The following SLC25A53 variants were observed in gnomAD, a reference collection of about 807,000 sequenced individuals.
SLC25A53 encodes solute carrier family 25 member 53, also known as mitochondrial carrier triple repeat protein 6.
A neutral mutation model predicts 15.0 loss-of-function variants in SLC25A53; 5 were observed. The observed-to-expected ratio is 0.33, with a 90% CI of 0.17 to 0.70. The LOEUF (loss-of-function observed/expected upper bound fraction) is 0.70, where lower values mean the gene tolerates loss of function less well. SLC25A53 is among the 30% of genes least tolerant of loss of function. The pLI, the probability that SLC25A53 is intolerant of heterozygous loss-of-function variation, is 0.67. For missense variants in SLC25A53, 216 were observed against 241.6 expected, an observed-to-expected ratio of 0.89 and a Z score of 0.70; for synonymous variants, 95 against 100.0, an observed-to-expected ratio of 0.95 and a Z score of 0.30.
rs924349819 is a variant in SLC25A53 at position 104,113,757 on chromosome X, C to T, written c.-31-8469G>A. ...TAGAATTAGAAGCAACAGTTGTCGCCCCTCCTGGAGTACAGGCAGGAGGGG... is the reference window on the plus strand; with the variant it reads ...TAGAATTAGAAGCAACAGTTGTCGCTCCTCCTGGAGTACAGGCAGGAGGGG... On this transcript the variant is annotated intron_variant, in intron 1 of 1. Coordinates refer to ENST00000594199, the MANE Select transcript of SLC25A53 (RefSeq NM_001012755.5). 3.2e-5 allele frequency: 6 copies of T among 187,358 alleles called. No individual in the cohort carries two copies. The South Asian group carries it at 3.8e-4, about 12-fold the overall frequency. The allele number at this position is 187,358 out of a possible 1,213,427, so 15.4% of individuals were successfully genotyped here.
intron 1 of SLC25A53, among the ~76,000 whole-genome samples, chrX:104,152,301 C>T (rs1312530483): frequency 2.0e-5 from 2 of 98,283 alleles, no homozygotes; most frequent in African/African-American, 7.6e-5. Flanking sequence ...ATGTTCAATT[C>T]CCACCTGTGA....
rs782669441 is a variant in SLC25A53, at chrX:104,104,296, T to C, written c.*38A>G. 396 of 1,174,262 alleles carry C rather than the reference T, an allele frequency of 3.4e-4. 1 individual carries two copies. The highest frequency in any genetic ancestry group is 4.3e-4 in the Non-Finnish European group (373 of 869,384). On this transcript the variant is annotated 3_prime_UTR_variant, in exon 2 of 2. Coordinates refer to ENST00000594199, the MANE Select transcript of SLC25A53 (RefSeq NM_001012755.5). ...GCTATATAGAACCAACCAGGGAAGA[T>C]TTAGAATAACAAAGCTGCCATGCCA...
intron 1 of SLC25A53, among the ~76,000 whole-genome samples, chrX:104,154,573 G>T (rs2075494803): frequency 8.9e-6 from 1 of 112,390 alleles, no homozygotes; most frequent in South Asian, 3.6e-4. Context: ...CAAGTTATGG[G>T]ATCAACCTAA....
intron 1 of SLC25A53, among the ~76,000 whole-genome samples, chrX:104,150,279 C>A (rs2075481132): frequency 9.1e-6 from 1 of 109,903 alleles, no homozygotes; most frequent in African/African-American, 3.3e-5. Context: ...TGCTTTCATC[C>A]ACATCCAGCC....
chrX:104,136,569 T>G (rs2075437117), intron 1 of SLC25A53, among the ~76,000 whole-genome samples: 2 of 112,042 alleles, frequency 1.8e-5, no homozygotes, highest in African/African-American at 6.5e-5. Flanking sequence ...GGCTGCTCCT[T>G]TCCTCCGCTA....
chrX:104,114,578 T>C (rs781967987), intron 1 of SLC25A53: 4 of 1,209,869 alleles, frequency 3.3e-6, no homozygotes, highest in Non-Finnish European at 4.5e-6. Flanking sequence ...GAGGTGCAGC[T>C]CCAGAATGCT....
intron 1 of SLC25A53, among the ~76,000 whole-genome samples, chrX:104,120,044 C>T (rs782395923): frequency 2.7e-5 from 3 of 111,779 alleles, no homozygotes; most frequent in Non-Finnish European, 3.8e-5. Flanking sequence ...TGGTTGCATG[C>T]GGCATCGGTT....
chrX:104,154,416 T>C (rs1818062039), intron 1 of SLC25A53, among the ~76,000 whole-genome samples: 1 of 112,242 alleles, frequency 8.9e-6, no homozygotes, highest in Admixed American at 9.5e-5. Flanking sequence ...TATGGAAAAC[T>C]GTATGGAGGT....
intron 1 of SLC25A53, chrX:104,114,267 G>A (rs989829906): frequency 1.7e-6 from 2 of 1,210,168 alleles, no homozygotes; most frequent in African/African-American, 3.5e-5. Flanking sequence ...CAGGAAGAGT[G>A]GTGCCAGCCC....
At chrX:104,130,922 CT>C (rs1556365363) in intron 1 of SLC25A53, 1 of 111,752 alleles carries the variant, frequency 8.9e-6, no homozygotes, top group Non-Finnish European at 1.9e-5. Flanking sequence ...CACCCCAAAA[CT>C]TGGGGCTTAA....
At position 104,124,837 on chromosome X, in the gene SLC25A53, T is replaced by C. The variant is rs188106761; in HGVS notation, c.-31-19549A>G. ...CTCAACTAAAAAGAAATAACTTTTTTCCTTTTTTTTTTTTTTTTTTTTTTT... is the reference window on the plus strand; with the variant it reads ...CTCAACTAAAAAGAAATAACTTTTTCCCTTTTTTTTTTTTTTTTTTTTTTT... On this transcript the variant is annotated intron_variant, in intron 1 of 1. Transcript: ENST00000594199. Among the ~76,000 whole-genome samples, 17 of 96,385 alleles carry C rather than the reference T, an allele frequency of 1.8e-4. No individual in the cohort carries two copies. In the East Asian group the frequency reaches 5.5e-3, roughly 31 times the overall value. 83.7% of individuals were successfully genotyped at this position (96,385 alleles called of 115,157 possible). A position where few individuals can be genotyped will look rare whatever the true frequency, so the allele number is the denominator to read the frequency against.
At chrX:104,138,534 T>C (rs2075442736) in intron 1 of SLC25A53, among the ~76,000 whole-genome samples, 1 of 112,389 alleles carries the variant, frequency 8.9e-6, no homozygotes, top group Non-Finnish European at 1.9e-5. Flanking sequence ...GGTGTTCTTT[T>C]AGTTTAGCTG....
rs1224495063 is a variant in SLC25A53 at position 104,103,387 on chromosome X, T to A, written c.*947A>T. 13 of 111,844 alleles carry A rather than the reference T, an allele frequency of 1.2e-4. No homozygotes were observed. The highest frequency in any genetic ancestry group is 4.2e-4 in the African/African-American group (13 of 30,769). 9.2% of individuals were successfully genotyped at this position (111,844 alleles called of 1,213,427 possible). ...TTCATTATGGCTAGTGTTTGGGGTT[T>A]ATGTAAGTGGAGTGACAATATGTTG... On this transcript the variant is annotated 3_prime_UTR_variant, in exon 2 of 2. Transcript: ENST00000594199.
chrX:104,131,256 C>T (rs1349437493), intron 1 of SLC25A53: 2 of 112,058 alleles, frequency 1.8e-5, no homozygotes, highest in African/African-American at 6.5e-5. Context: ...GCAAAAGTTA[C>T]AGGATTCTTA....
intron 1 of SLC25A53, among the ~76,000 whole-genome samples, chrX:104,125,142 G>A (rs2075406872): frequency 9.0e-6 from 1 of 110,878 alleles, no homozygotes; most frequent in Non-Finnish European, 1.9e-5. Context: ...ACCACGCCGG[G>A]CCAAAAAACA....
intron 1 of SLC25A53, among the ~76,000 whole-genome samples, chrX:104,153,399 G>A (rs898453439): frequency 9.0e-6 from 1 of 110,877 alleles, no homozygotes; most frequent in Non-Finnish European, 1.9e-5. Context: ...AATCTTCTGG[G>A]ACTACCATAA....
Position 104,114,796 on chromosome X carries a change from C to T in SLC25A53, c.-31-9508G>A, listed in dbSNP as rs2075368883. 3 of 1,210,590 alleles carry T rather than the reference C, an allele frequency of 2.5e-6. No individual in the cohort carries two copies. Among genetic ancestry groups the T allele is most frequent in the Middle Eastern group, 2.3e-4 (1 of 4,354 alleles). ...GGATTGGGATGATGCTTTTATTAAA[C>T]GGAAGCGGCCGAAAAGGTCTGAGCC... On this transcript the variant is annotated intron_variant, in intron 1 of 1. Coordinates refer to ENST00000594199, the MANE Select transcript of SLC25A53 (RefSeq NM_001012755.5).
At chrX:104,139,854 AAAAT>A (rs1300657192) in intron 1 of SLC25A53, among the ~76,000 whole-genome samples, 34 of 112,384 alleles carry the variant, frequency 3.0e-4, no homozygotes, top group Admixed American at 5.6e-4. Context: ...AAATAAAATA[AAAAT>A]AAATAAAATA....
chrX:104,122,305 TTTTTTTTTTTTG>T (rs1487309275), intron 1 of SLC25A53, among the ~76,000 whole-genome samples: 17 of 77,731 alleles, frequency 2.2e-4, no homozygotes, highest in African/African-American at 5.2e-4. Flanking sequence ...CTTTTTTTTG[TTTTTTTTTTTTG>T]TTTTTTTTTT....
Sources: allele counts gnomAD v4.1 joint callset (sites outside exome capture counted in the v4.1 genomes callset), GRCh38; gene constraint gnomAD v4.1.1; transcripts MANE v1.5; gene names NCBI Gene and HGNC (gene_info 2026-07-23, HGNC 2026-07-21).